The following CLHC1 variants were observed in gnomAD, a reference collection of about 807,000 sequenced individuals.
CLHC1 encodes clathrin heavy chain linker domain-containing protein 1.
Under a neutral mutation model 69.5 loss-of-function variants are expected in CLHC1, and 72 were observed. That is an observed-to-expected ratio of 1.04 (90% CI 0.86 to 1.26). CLHC1 has a LOEUF of 1.26. Among genes scored for constraint, CLHC1 ranks in the 50% most tolerant of loss-of-function variants. CLHC1 has a pLI of 0.00. For missense variants in CLHC1, 790 were observed against 679.3 expected (o/e 1.16, Z -1.81); for synonymous variants, 223 against 224.3 (o/e 0.99, Z 0.05).
intron 2 of CLHC1, among the ~76,000 whole-genome samples, chr2:55,223,312 A>T (rs911253070): frequency 6.6e-6 from 1 of 152,184 alleles, no homozygotes; most frequent in Non-Finnish European, 1.5e-5. Flanking sequence ...AGAGGTCCGG[A>T]CTTCTGCTAA....
intron 9 of CLHC1, 35 bp downstream of exon 9, chr2:55,206,235 T>C: frequency 8.1e-7 from 1 of 1,228,900 alleles, no homozygotes; most frequent in South Asian, 1.3e-5. Context: ...TAGTAAATTT[T>C]CATACATATA....
intron 5 of CLHC1, among the ~76,000 whole-genome samples, chr2:55,210,742 T>A (rs964578049): frequency 6.6e-6 from 1 of 152,230 alleles, no homozygotes. Flanking sequence ...AGTTTATTAT[T>A]CTCAACACAA....
chr2:55,184,916 C>CAA (rs1670279975), intron 9 of CLHC1, among the ~76,000 whole-genome samples: 1 of 77,330 alleles, frequency 1.3e-5, no homozygotes, highest in African/African-American at 5.5e-5. Context: ...AAAAAAAAAA[C>CAA]AAAACACACA....
chr2:55,217,980 C>T lies in CLHC1; in HGVS notation c.196G>A (p.Ala66Thr). Residue 66 changes from alanine to threonine, a missense_variant, in exon 4 of 13, where the codon GCA becomes ACA. Physicochemically the swap from Ala to Thr is moderately conservative, Grantham distance 58 (BLOSUM62 0). Transcript: ENST00000401408. Reference sequence around the variant, plus strand: ...ATTGAAGTAAGAATGGATTTGTATGCAGTGATATGCTCTATTACCTGAAAT... The same window carrying T: ...ATTGAAGTAAGAATGGATTTGTATGTAGTGATATGCTCTATTACCTGAAAT... ...VFDKVIEHIT[A>T]YKSILTSIKK... 2 of 1,545,680 alleles carry T rather than the reference C, an allele frequency of 1.3e-6. No individual in the cohort carries two copies. The highest frequency in any genetic ancestry group is 1.2e-5 in the South Asian group (1 of 81,202).
intron 9 of CLHC1, among the ~76,000 whole-genome samples, chr2:55,202,407 T>A (rs2103877719): frequency 6.6e-6 from 1 of 151,500 alleles, no homozygotes; most frequent in South Asian, 2.1e-4. Context: ...AATACAAAAA[T>A]TAGCCGGGCC....
intron 4 of CLHC1, chr2:55,215,002 C>T (rs1673359157): frequency 1.3e-5 from 2 of 152,050 alleles, no homozygotes; most frequent in Admixed American, 6.6e-5. Context: ...AGTATTTCTT[C>T]GTATTTATGA....
chr2:55,206,438 T>C, intron 8 of CLHC1, 62 bp from the exon 9 acceptor site: 1 of 903,322 alleles, frequency 1.1e-6, no homozygotes, highest in Non-Finnish European at 1.8e-6. Context: ...AAAAACTGAT[T>C]AGAAATGTTT....
Position 55,181,462 on chromosome 2 carries a change from C to G in CLHC1, c.1181+108G>C. ...CTTTCTGATTAATTGCAATAGGGACCTGAAGTAAATGTTCAAGTAACATAT... is the reference window on the plus strand; with the variant it reads ...CTTTCTGATTAATTGCAATAGGGACGTGAAGTAAATGTTCAAGTAACATAT... On this transcript the variant is annotated intron_variant, in intron 10 of 12. Transcript: ENST00000401408. The G allele has an allele frequency of 3.4e-6, 3 of 873,348 alleles. No homozygotes were observed. In the East Asian group the frequency reaches 7.8e-5, roughly 23 times the overall value. The allele number at this position is 873,348 out of a possible 1,614,324, so 54.1% of individuals were successfully genotyped here. A position where few individuals can be genotyped will look rare whatever the true frequency, so the allele number is the denominator to read the frequency against.
chr2:55,226,877 C>G (rs894149878), intron 2 of CLHC1, among the ~76,000 whole-genome samples: 2 of 152,356 alleles, frequency 1.3e-5, no homozygotes, highest in East Asian at 3.9e-4. Context: ...AAGTGATCAG[C>G]CTGCTTTGGC....
intron 4 of CLHC1, among the ~76,000 whole-genome samples, chr2:55,215,702 G>A (rs939334227): frequency 1.3e-5 from 2 of 152,108 alleles, no homozygotes; most frequent in African/African-American, 2.4e-5. Context: ...ATCTTGGGCT[G>A]TGCTTTTTAT....
chr2:55,189,710 T>C (rs1051147231), intron 9 of CLHC1, among the ~76,000 whole-genome samples: 14 of 152,118 alleles, frequency 9.2e-5, no homozygotes, highest in African/African-American at 2.7e-4. Flanking sequence ...TGTACAGCGT[T>C]CCCCACAGGT....
chr2:55,176,930 T>G (rs898077354), intron 12 of CLHC1, among the ~76,000 whole-genome samples: 3 of 152,194 alleles, frequency 2.0e-5, no homozygotes, highest in Non-Finnish European at 4.4e-5. Flanking sequence ...TGGAGTGCAG[T>G]GGCACAGTCA....
rs1310843112 is a variant in CLHC1 at position 55,212,763 on chromosome 2, T to C, written c.409A>G (p.Ile137Val). ...GCCCTACACTGCTTGATGTGATCTA[T>C]TTGAGATTGAATCTTCGAGGAATTA... ...ESNSSKIQSQIDHIKQCRAEY... is the reference protein window; with the variant it reads ...ESNSSKIQSQVDHIKQCRAEY... The change falls in exon 5 of 13, where the codon ATA becomes GTA. Residue 137 changes from isoleucine (I) to valine (V), a missense_variant. Coordinates refer to ENST00000401408, the MANE Select transcript of CLHC1 (RefSeq NM_152385.4). 2 of 1,600,610 alleles carry C rather than the reference T, an allele frequency of 1.2e-6. No individual in the cohort carries two copies. Among genetic ancestry groups the C allele is most frequent in the Non-Finnish European group, 1.7e-6 (2 of 1,167,900 alleles).
chr2:55,228,629 G>A (rs1674944799), intron 1 of CLHC1, among the ~76,000 whole-genome samples: 7 of 152,234 alleles, frequency 4.6e-5, no homozygotes. Context: ...GAAGGCCAGA[G>A]GGGCATCTCA....
rs775460148 is a variant in CLHC1 at position 55,172,560 on chromosome 2, C to T, written c.*3230G>A. On this transcript the variant is annotated 3_prime_UTR_variant, in exon 13 of 13. Coordinates refer to ENST00000401408, the MANE Select transcript of CLHC1 (RefSeq NM_152385.4). ...AATAATAGTGTCTTTTTTATGTACC[C>T]AATATATTTTTATTCAAGAACACAA... 4.0e-5 allele frequency among the ~76,000 whole-genome samples: 6 copies of T among 151,144 alleles called. No individual in the cohort carries two copies. Among genetic ancestry groups the T allele is most frequent in the Non-Finnish European group, 5.9e-5 (4 of 67,852 alleles).
intron 11 of CLHC1, among the ~76,000 whole-genome samples, chr2:55,179,522 C>T (rs149649175): frequency 6.6e-5 from 10 of 152,220 alleles, no homozygotes; most frequent in Non-Finnish European, 1.2e-4. Context: ...CCAGATTCAA[C>T]AACTACTAAA....
chr2:55,220,234 T>C (rs570160004), intron 3 of CLHC1, among the ~76,000 whole-genome samples: 2 of 152,292 alleles, frequency 1.3e-5, no homozygotes, highest in South Asian at 4.1e-4. Flanking sequence ...TGTTCCCTAG[T>C]TCCAAATACC....
chr2:55,184,961 C>CAA (rs35494144), intron 9 of CLHC1, among the ~76,000 whole-genome samples: 3 of 138,244 alleles, frequency 2.2e-5, no homozygotes, highest in African/African-American at 7.8e-5. Flanking sequence ...CACACACACA[C>CAA]AAAGATTTCC....
Position 55,217,963 on chromosome 2 carries a change from A to T in CLHC1, c.213T>A (p.Leu71=), listed in dbSNP as rs759780414. Residue 71 remains leucine (L), a synonymous_variant, in exon 4 of 13, where the codon CTT becomes CTA. Coordinates refer to ENST00000401408, the MANE Select transcript of CLHC1 (RefSeq NM_152385.4). ...CATCATATTCTTTTTTGATTGAAGT[A>T]AGAATGGATTTGTATGCAGTGATAT... ...IEHITAYKSI[L]TSIKKEYDAF... is the part of the protein sequence containing the mutation. 6.3e-7 allele frequency: 1 copy of T among 1,582,898 alleles called. No individual in the cohort carries two copies. Among genetic ancestry groups the T allele is most frequent in the East Asian group, 2.3e-5 (1 of 43,356 alleles).
Sources: gnomAD v4.1 joint callset for allele counts (sites outside exome capture counted in the v4.1 genomes callset) on GRCh38, gnomAD v4.1.1 for gene constraint, MANE v1.5 for transcripts, NCBI Gene and HGNC (gene_info 2026-07-23, HGNC 2026-07-21) for gene names.